RPP25: variants seen among roughly 807,000 people sequenced by gnomAD.
RPP25 encodes the protein ribonuclease P protein subunit p25.
A neutral mutation model predicts 4.4 loss-of-function variants in RPP25; 2 were observed. The ratio of observed to expected loss-of-function variants is 0.45; its 90% CI spans 0.19 to 1.43. The LOEUF is 1.43. Ranked by LOEUF, RPP25 falls within the 40% of genes most tolerant of loss-of-function variation. The pLI is 0.26. For missense variants in RPP25, 319 were observed against 293.8 expected, an observed-to-expected ratio of 1.09 and a Z score of -0.63; for synonymous variants, 144 against 136.2, an observed-to-expected ratio of 1.06 and a Z score of -0.40.
rs2065466038 is a variant in RPP25, at chr15:74,955,836, C to A, written c.*148G>T. On this transcript the variant is annotated 3_prime_UTR_variant, in exon 1 of 1. Transcript: ENST00000322177. Reference sequence around the variant, plus strand: ...GCCACTCCTGGGGCCCCTCTCTTGTCGCCTTAAGGTCCATGCTACCTGTCT... The same window carrying A: ...GCCACTCCTGGGGCCCCTCTCTTGTAGCCTTAAGGTCCATGCTACCTGTCT... The A allele has an allele frequency of 1.7e-6, 2 of 1,156,782 alleles. No homozygotes were observed. Among genetic ancestry groups the A allele is most frequent in the African/African-American group, 3.1e-5 (2 of 64,268 alleles). The allele number at this position is 1,156,782 out of a possible 1,614,324, so 71.7% of individuals were successfully genotyped here. A position where few individuals can be genotyped will look rare whatever the true frequency, so the allele number is the denominator to read the frequency against.
Position 74,955,961 on chromosome 15 carries a change from T to G in RPP25, c.*23A>C. The G allele has an allele frequency of 6.2e-7, 1 of 1,612,120 alleles. No individual in the cohort carries two copies. The highest frequency in any genetic ancestry group is 8.5e-7 in the Non-Finnish European group (1 of 1,179,716). ...GCGCTGGCGGAAGATCCTGCCGGAC[T>G]AGGTGGCCCACAGTCCGGAGTTTCA... On this transcript the variant is annotated 3_prime_UTR_variant, in exon 1 of 1. Transcript: ENST00000322177.
rs377664769 is a variant in RPP25 at position 74,956,125 on chromosome 15, G to T, written c.459C>A (p.Pro153=). The change falls in exon 1 of 1, where the codon CCC becomes CCA. Residue 153 remains proline (P), a synonymous_variant. Coordinates refer to ENST00000322177, the MANE Select transcript of RPP25 (RefSeq NM_017793.3). ...ACGAGGGACCAGGATGGGGATTCGG[G>T]GGCTGGTAGCCGGGCTGTCGCGGAT... ...ALDPRQPGYQ[P]PNPHPGPSSP... is the part of the protein sequence containing the mutation. 83 of 1,606,286 alleles carry T rather than the reference G, an allele frequency of 5.2e-5. No individual in the cohort carries two copies. Among genetic ancestry groups the T allele is most frequent in the Admixed American group, 6.8e-5 (4 of 58,546 alleles).
Position 74,956,242 on chromosome 15 carries a change from C to A in RPP25, c.342G>T (p.Thr114=), listed in dbSNP as rs1226484119. 1.3e-6 allele frequency: 2 copies of A among 1,572,778 alleles called. No individual in the cohort carries two copies. The highest frequency in any genetic ancestry group is 2.3e-5 in the South Asian group (2 of 87,200). The change falls in exon 1 of 1, where the codon ACG becomes ACT. Residue 114 remains threonine, a synonymous_variant. Transcript: ENST00000322177. ...EVWQSLPPGP[T]QGQTPGEPAA... is the part of the protein sequence containing the mutation. ...CCGGCTCGCCAGGCGTCTGACCCTG[C>A]GTGGGCCCAGGCGGGAGGCTCTGCC...
At position 74,955,140 on chromosome 15, in the gene RPP25, G is replaced by C. The variant is rs1272521762; in HGVS notation, c.*844C>G. 3 of 152,738 alleles carry C rather than the reference G, an allele frequency of 2.0e-5. No homozygotes were observed. Among genetic ancestry groups the C allele is most frequent in the Admixed American group, 2.0e-4 (3 of 15,288 alleles). 9.5% of individuals were successfully genotyped at this position (152,738 alleles called of 1,614,324 possible). A position where few individuals can be genotyped will look rare whatever the true frequency, so the allele number is the denominator to read the frequency against. On this transcript the variant is annotated 3_prime_UTR_variant, in exon 1 of 1. Transcript: ENST00000322177. ...AGGAGAGAGGAAGAAGCCAGGGACTGGGCAGTGCCTTGCACCATTTTGAAG... is the reference window on the plus strand; with the variant it reads ...AGGAGAGAGGAAGAAGCCAGGGACTCGGCAGTGCCTTGCACCATTTTGAAG...
Position 74,956,606 on chromosome 15 carries a change from C to G in RPP25, c.-23G>C. The G allele has an allele frequency of 2.8e-6, 4 of 1,427,142 alleles. No homozygotes were observed. The highest frequency in any genetic ancestry group is 3.6e-6 in the Non-Finnish European group (4 of 1,100,696). The allele number at this position is 1,427,142 out of a possible 1,614,324, so 88.4% of individuals were successfully genotyped here. A position where few individuals can be genotyped will look rare whatever the true frequency, so the allele number is the denominator to read the frequency against. On this transcript the variant is annotated 5_prime_UTR_variant, in exon 1 of 1. Transcript: ENST00000322177. ...CATGCGCCGTCGTCGCCGGGACCGCCGGCTTTGCCATGGGGCGGCCTCAGC... is the reference window on the plus strand; with the variant it reads ...CATGCGCCGTCGTCGCCGGGACCGCGGGCTTTGCCATGGGGCGGCCTCAGC...
At position 74,955,991 on chromosome 15, in the gene RPP25, G is replaced by A. The variant is rs1161562241; in HGVS notation, c.593C>T (p.Thr198Met). The A allele has an allele frequency of 4.3e-6, 7 of 1,612,750 alleles. No homozygotes were observed. Among genetic ancestry groups the A allele is most frequent in the Non-Finnish European group, 4.2e-6 (5 of 1,179,876 alleles). The change falls in exon 1 of 1, where the codon ACG becomes ATG. Residue 198 changes from threonine (T) to methionine (M), a missense_variant. Thr to Met is a moderately conservative substitution (Grantham distance 81). Coordinates refer to ENST00000322177, the MANE Select transcript of RPP25 (RefSeq NM_017793.3). Reference protein sequence around the residue: ...PEPGVADEDQTA With the variant: ...PEPGVADEDQMA ...GGCCCACAGTCCGGAGTTTCAGGCC[G>A]TCTGATCCTCGTCCGCAACCCCTGG... is the stretch of plus-strand genomic sequence containing the variant.
Position 74,954,456 on chromosome 15 carries a change from CAAAATG to C in RPP25, c.*1522_*1527del, listed in dbSNP as rs1304433144. On this transcript the variant is annotated 3_prime_UTR_variant, in exon 1 of 1. Coordinates refer to ENST00000322177, the MANE Select transcript of RPP25 (RefSeq NM_017793.3). ...AGGATTTATTTCAGGGTTCTGCCAG[CAAAATG>C]ACTTATAAATACATTCTTCCGCATC... 1 of 152,284 alleles carries C rather than the reference CAAAATG, an allele frequency of 6.6e-6. No homozygotes were observed. Among genetic ancestry groups the C allele is most frequent in the Non-Finnish European group, 1.5e-5 (1 of 68,068 alleles). The allele number at this position is 152,284 out of a possible 1,614,324, so 9.4% of individuals were successfully genotyped here.
At position 74,956,604 on chromosome 15, in the gene RPP25, G is replaced by A. The variant is rs764409507; in HGVS notation, c.-21C>T. On this transcript the variant is annotated 5_prime_UTR_variant, in exon 1 of 1. Transcript: ENST00000322177. ...TCCATGCGCCGTCGTCGCCGGGACCGCCGGCTTTGCCATGGGGCGGCCTCA... is the reference window on the plus strand; with the variant it reads ...TCCATGCGCCGTCGTCGCCGGGACCACCGGCTTTGCCATGGGGCGGCCTCA... 3.5e-6 allele frequency: 5 copies of A among 1,427,316 alleles called. No individual in the cohort carries two copies. The highest frequency in any genetic ancestry group is 4.5e-6 in the Non-Finnish European group (5 of 1,100,736). 88.4% of individuals were successfully genotyped at this position (1,427,316 alleles called of 1,614,324 possible). A position where few individuals can be genotyped will look rare whatever the true frequency, so the allele number is the denominator to read the frequency against.
Position 74,956,494 on chromosome 15 carries a change from G to A in RPP25, c.90C>T (p.Asp30=), listed in dbSNP as rs537209492. 7 of 1,545,180 alleles carry A rather than the reference G, an allele frequency of 4.5e-6. No homozygotes were observed. The highest frequency in any genetic ancestry group is 1.4e-5 in the African/African-American group (1 of 72,050). ...GCATGTGCACCGCGCCCGGCGCCAG[G>A]TCTGCGAAGGGGCCGGAGCCCGGGC... is the stretch of plus-strand genomic sequence containing the variant. ...GGGPGSGPFA[D]LAPGAVHMRV... Residue 30 remains aspartate (D), a synonymous_variant, in exon 1 of 1, where the codon GAC becomes GAT. Transcript: ENST00000322177.
At position 74,956,696 on chromosome 15, in the gene RPP25, G is replaced by A. The variant is rs1404381228; in HGVS notation, c.-113C>T. On this transcript the variant is annotated 5_prime_UTR_variant, in exon 1 of 1. Transcript: ENST00000322177. ...CAGCAGGGGTAAGGGCGCCGGAGCAGCGCAGACGCCGGCGGGCGGGCTGGG... is the reference window on the plus strand; with the variant it reads ...CAGCAGGGGTAAGGGCGCCGGAGCAACGCAGACGCCGGCGGGCGGGCTGGG... 2 of 1,232,320 alleles carry A rather than the reference G, an allele frequency of 1.6e-6. No individual in the cohort carries two copies. Among genetic ancestry groups the A allele is most frequent in the African/African-American group, 3.2e-5 (2 of 62,898 alleles). The allele number at this position is 1,232,320 out of a possible 1,614,324, so 76.3% of individuals were successfully genotyped here.
At position 74,956,302 on chromosome 15, in the gene RPP25, G is replaced by A; in HGVS notation, c.282C>T (p.Val94=). The A allele has an allele frequency of 3.1e-6, 5 of 1,600,698 alleles. No individual in the cohort carries two copies. The highest frequency in any genetic ancestry group is 4.2e-6 in the Non-Finnish European group (5 of 1,177,264). The change falls in exon 1 of 1, where the codon GTC becomes GTT. Residue 94 remains valine (V), a synonymous_variant. Transcript: ENST00000322177. The part of the protein sequence containing the change: ...LKRRLAGLHQ[V]TRLRYRSVRE... ...GTACGCTCCGGTAGCGCAGCCGCGT[G>A]ACCTGGTGCAGGCCCGCCAGGCGGC... is the stretch of plus-strand genomic sequence containing the variant.
chr15:74,956,145 G>A lies in RPP25; in HGVS notation c.439C>T (p.Arg147Ter), dbSNP rs1196580091. The change falls in exon 1 of 1, where the codon CGA (arginine) becomes TGA (stop). Residue 147 changes from arginine to a stop codon, truncating the protein, a stop_gained. Transcript: ENST00000322177. LOFTEE classifies it low-confidence loss of function (END_TRUNC). ...ILLSKDALDP[R>*]QPGYQPPNPH... is the part of the protein sequence containing the mutation. ...TTCGGGGGCTGGTAGCCGGGCTGTC[G>A]CGGATCCAGCGCGTCCTTGGAAAGT... 1 of 1,602,012 alleles carries A rather than the reference G, an allele frequency of 6.2e-7. No individual in the cohort carries two copies. Among genetic ancestry groups the A allele is most frequent in the Non-Finnish European group, 8.5e-7 (1 of 1,175,408 alleles).
In RPP25 at chr15:74,956,011, C is replaced by A. The variant is rs1290359972; in HGVS notation, c.573G>T (p.Gly191=). ...GSAKRSQPEP[G]VADEDQTA The stretch of plus-strand genomic sequence containing the variant: ...AGGCCGTCTGATCCTCGTCCGCAAC[C>A]CCTGGCTCGGGTTGCGATCGCTTCG... Residue 191 remains glycine, a synonymous_variant, in exon 1 of 1, where the codon GGG becomes GGT. Transcript: ENST00000322177. 3 of 1,612,660 alleles carry A rather than the reference C, an allele frequency of 1.9e-6. No individual in the cohort carries two copies. The highest frequency in any genetic ancestry group is 2.5e-6 in the Non-Finnish European group (3 of 1,179,848).
Position 74,956,485 on chromosome 15 carries a change from C to G in RPP25, c.99G>C (p.Pro33=). 2 of 1,549,510 alleles carry G rather than the reference C, an allele frequency of 1.3e-6. No individual in the cohort carries two copies. The highest frequency in any genetic ancestry group is 1.7e-6 in the Non-Finnish European group (2 of 1,150,678). Residue 33 remains proline, a synonymous_variant, in exon 1 of 1, where the codon CCG becomes CCC. Transcript: ENST00000322177. ...CCTTGACCCGCATGTGCACCGCGCC[C>G]GGCGCCAGGTCTGCGAAGGGGCCGG... ...PGSGPFADLA[P]GAVHMRVKEG... is the part of the protein sequence containing the mutation.
Position 74,956,305 on chromosome 15 carries a change from C to A in RPP25, c.279G>T (p.Gln93His), listed in dbSNP as rs774815906. ...ILKRRLAGLHQVTRLRYRSVR... is the reference protein window; with the variant it reads ...ILKRRLAGLHHVTRLRYRSVR... The stretch of plus-strand genomic sequence containing the variant: ...CGCTCCGGTAGCGCAGCCGCGTGAC[C>A]TGGTGCAGGCCCGCCAGGCGGCGCT... Residue 93 changes from glutamine (Q) to histidine (H), a missense_variant, in exon 1 of 1, where the codon CAG becomes CAT. Gln to His is a conservative substitution (Grantham distance 24). Transcript: ENST00000322177. 4 of 1,601,034 alleles carry A rather than the reference C, an allele frequency of 2.5e-6. No individual in the cohort carries two copies. Among genetic ancestry groups the A allele is most frequent in the Admixed American group, 1.7e-5 (1 of 59,506 alleles).
rs1357463604 is a variant in RPP25, at chr15:74,956,318, G to A, written c.266C>T (p.Ala89Val). The change falls in exon 1 of 1, where the codon GCG becomes GTG. Residue 89 changes from alanine (A) to valine (V), a missense_variant. Ala to Val is a moderately conservative substitution (Grantham distance 64). Transcript: ENST00000322177. ...CAGCCGCGTGACCTGGTGCAGGCCC[G>A]CCAGGCGGCGCTTGAGGATCTCGGC... Reference protein sequence around the residue: ...TCAEILKRRLAGLHQVTRLRY... With the variant: ...TCAEILKRRLVGLHQVTRLRY... 1.2e-6 allele frequency: 2 copies of A among 1,600,974 alleles called. No individual in the cohort carries two copies. The highest frequency in any genetic ancestry group is 1.3e-5 in the African/African-American group (1 of 74,936).
In RPP25 at chr15:74,955,958, GACTAGGTGGC is replaced by G. The variant is rs2065467599; in HGVS notation, c.*16_*25del. 1 of 1,611,806 alleles carries G rather than the reference GACTAGGTGGC, an allele frequency of 6.2e-7. No homozygotes were observed. The highest frequency in any genetic ancestry group is 8.5e-7 in the Non-Finnish European group (1 of 1,179,658). ...GAGGCGCTGGCGGAAGATCCTGCCG[GACTAGGTGGC>G]CCACAGTCCGGAGTTTCAGGCCGTC... On this transcript the variant is annotated 3_prime_UTR_variant, in exon 1 of 1. Transcript: ENST00000322177.
rs185880647 is a variant in RPP25 at position 74,955,553 on chromosome 15, C to G, written c.*431G>C. 5.4e-5 allele frequency: 10 copies of G among 185,678 alleles called. No individual in the cohort carries two copies. Among genetic ancestry groups the G allele is most frequent in the Non-Finnish European group, 9.1e-5 (8 of 87,628 alleles). 11.5% of individuals were successfully genotyped at this position (185,678 alleles called of 1,614,324 possible). ...CTCTCCTACCCTCAAGCAGTTAATT[C>G]TCACCCCCTGCCTTCCTCTGTCAAC... is the stretch of plus-strand genomic sequence containing the variant. On this transcript the variant is annotated 3_prime_UTR_variant, in exon 1 of 1. Transcript: ENST00000322177.
Position 74,956,700 on chromosome 15 carries a change from A to C in RPP25, c.-117T>G, listed in dbSNP as rs1269926812. 37 of 1,213,058 alleles carry C rather than the reference A, an allele frequency of 3.1e-5. No homozygotes were observed. Among genetic ancestry groups the C allele is most frequent in the Non-Finnish European group, 3.9e-5 (37 of 945,492 alleles). The allele number at this position is 1,213,058 out of a possible 1,614,324, so 75.1% of individuals were successfully genotyped here. A position where few individuals can be genotyped will look rare whatever the true frequency, so the allele number is the denominator to read the frequency against. ...AGGGGTAAGGGCGCCGGAGCAGCGCAGACGCCGGCGGGCGGGCTGGGACGG... is the reference window on the plus strand; with the variant it reads ...AGGGGTAAGGGCGCCGGAGCAGCGCCGACGCCGGCGGGCGGGCTGGGACGG... On this transcript the variant is annotated 5_prime_UTR_variant, in exon 1 of 1. Transcript: ENST00000322177.
Sources: gnomAD v4.1 joint callset for allele counts on GRCh38, gnomAD v4.1.1 for gene constraint, MANE v1.5 for transcripts, NCBI Gene and HGNC (gene_info 2026-07-23, HGNC 2026-07-21) for gene names.